Variants in LRRFIP2 observed in about 807,000 individuals in gnomAD.
LRRFIP2 encodes the protein LRR binding FLII interacting protein 2.
In LRRFIP2, 109 loss-of-function variants were observed where a neutral mutation model predicts 125.9. That is an observed-to-expected ratio of 0.87 (90% CI 0.74 to 1.01). The LOEUF (loss-of-function observed/expected upper bound fraction) is 1.01, where lower values mean the gene tolerates loss of function less well. Ranked by LOEUF, LRRFIP2 falls within the 50% of genes least tolerant of loss-of-function variation. The probability of loss-of-function intolerance (pLI) is 0.00; values close to 1 mark genes in which losing one functional copy is unlikely to be tolerated. For missense variants in LRRFIP2, 850 were observed against 862.3 expected, an observed-to-expected ratio of 0.99 and a Z score of 0.18; for synonymous variants, 291 against 293.1, an observed-to-expected ratio of 0.99 and a Z score of 0.07.
At chr3:37,055,443 G>A (rs1164169975) in intron 25 of LRRFIP2, among the ~76,000 whole-genome samples, 5 of 152,190 alleles carry the variant, frequency 3.3e-5, no homozygotes, top group Non-Finnish European at 7.3e-5. Context: ...GCACAGGCCT[G>A]TAGTCCCAGC....
At chr3:37,112,734 T>G (rs927145292) in intron 8 of LRRFIP2, among the ~76,000 whole-genome samples, 181 bp downstream of exon 8, 19 of 152,230 alleles carry the variant, frequency 1.2e-4, no homozygotes, top group African/African-American at 4.1e-4. Context: ...CTGCTAGGGT[T>G]TGCATATGTT....
At position 37,060,368 on chromosome 3, in the gene LRRFIP2, G is replaced by T. The variant is rs571291030; in HGVS notation, c.1750-1458C>A. On this transcript the variant is annotated intron_variant, in intron 24 of 27. Coordinates refer to ENST00000336686, the MANE Select transcript of LRRFIP2 (RefSeq NM_006309.4). This position sits in a 1 kb window ranked among gnomAD's most constrained non-coding sequence, Gnocchi z 4.1. ...CTGTGGCCCAGACTGGAGTGCAGTG[G>T]CATGATCTCAGCTCACTGCAACCTC... Among the ~76,000 whole-genome samples the T allele has an allele frequency of 6.6e-6, 1 of 152,272 alleles. No homozygotes were observed. Among genetic ancestry groups the T allele is most frequent in the Non-Finnish European group, 1.5e-5 (1 of 68,022 alleles).
intron 1 of LRRFIP2, among the ~76,000 whole-genome samples, chr3:37,162,155 C>CAA (rs71091697): frequency 0.013 from 946 of 73,614 alleles, 13 homozygotes; most frequent in African/African-American, 0.027. Context: ...GACCCTGTCT[C>CAA]AAAAAAAAAA....
rs1426707289 is a variant in LRRFIP2, at chr3:37,060,067, G to T, written c.1750-1157C>A. ...CCTATTTATGTGCATCTCACAAAGGGTCATATCCTTCCTCTGCAGTCTTCC... is the reference window on the plus strand; with the variant it reads ...CCTATTTATGTGCATCTCACAAAGGTTCATATCCTTCCTCTGCAGTCTTCC... On this transcript the variant is annotated intron_variant, in intron 24 of 27. Transcript: ENST00000336686. The surrounding 1 kb of genome is among the most constrained non-coding windows in gnomAD (Gnocchi z 4.1). 6.6e-6 allele frequency among the ~76,000 whole-genome samples: 1 copy of T among 152,098 alleles called. No homozygotes were observed. The highest frequency in any genetic ancestry group is 6.5e-5 in the Admixed American group (1 of 15,276).
chr3:37,054,104 TAG>T, intron 27 of LRRFIP2, 143 bp from the exon 28 acceptor site: 1 of 639,498 alleles, frequency 1.6e-6, no homozygotes, highest in Non-Finnish European at 2.8e-6. Context: ...TTCTATCAGT[TAG>T]AGGTGTTAAA....
At chr3:37,101,634 C>T (rs748832235) in intron 15 of LRRFIP2, among the ~76,000 whole-genome samples, 3 of 146,438 alleles carry the variant, frequency 2.0e-5, no homozygotes, top group Non-Finnish European at 4.5e-5. Flanking sequence ...TGCTGCACTC[C>T]GACCTGGACG....
Position 37,063,921 on chromosome 3 carries a change from A to G in LRRFIP2, c.1700-130T>C, listed in dbSNP as rs369454591. 642 of 687,054 alleles carry G rather than the reference A, an allele frequency of 9.3e-4. 8 individuals carry two copies. Among genetic ancestry groups the G allele is most frequent in the Middle Eastern group, 8.0e-3 (22 of 2,740 alleles). The allele number at this position is 687,054 out of a possible 1,614,324, so 42.6% of individuals were successfully genotyped here. A position where few individuals can be genotyped will look rare whatever the true frequency, so the allele number is the denominator to read the frequency against. On this transcript the variant is annotated intron_variant, in intron 23 of 27. Transcript: ENST00000336686. ...ACATTACTTACAGCTCTGAATATCT[A>G]AAGAAATAAAGGTGTTAATAGCATT...
chr3:37,080,552 G>A (rs1182015580), intron 19 of LRRFIP2, among the ~76,000 whole-genome samples: 2 of 152,050 alleles, frequency 1.3e-5, no homozygotes, highest in Non-Finnish European at 2.9e-5. Flanking sequence ...ACACATCTGG[G>A]CCTCCTGAAG....
At chr3:37,120,824 AG>A (rs1450117093) in intron 6 of LRRFIP2, among the ~76,000 whole-genome samples, 1 of 152,158 alleles carries the variant, frequency 6.6e-6, no homozygotes, top group Non-Finnish European at 1.5e-5. Context: ...AAAAAAAGAA[AG>A]TATACATACA....
intron 18 of LRRFIP2, among the ~76,000 whole-genome samples, chr3:37,087,892 G>A (rs2093172234): frequency 6.6e-6 from 1 of 152,136 alleles, no homozygotes; most frequent in Non-Finnish European, 1.5e-5. Flanking sequence ...GCCCAGCCTT[G>A]AATGCTTCTA....
intron 21 of LRRFIP2, 100 bp downstream of exon 21, chr3:37,072,690 C>T: frequency 1.4e-6 from 1 of 690,254 alleles, no homozygotes; most frequent in Non-Finnish European, 2.5e-6. Flanking sequence ...TGTAAATGCT[C>T]AAGAAGAATC....
intron 4 of LRRFIP2, among the ~76,000 whole-genome samples, chr3:37,125,883 C>A (rs1478336484): frequency 1.3e-5 from 2 of 152,170 alleles, no homozygotes; most frequent in Admixed American, 6.5e-5. Flanking sequence ...TCCTTATGGG[C>A]TCACAGATAA....
intron 15 of LRRFIP2, among the ~76,000 whole-genome samples, chr3:37,098,537 C>T (rs1310391287): frequency 3.3e-5 from 5 of 151,710 alleles, no homozygotes; most frequent in African/African-American, 4.8e-5. Flanking sequence ...TACAGGCACC[C>T]GCCATCACGC....
At chr3:37,153,537 CTTCT>C (rs990744990) in intron 1 of LRRFIP2, among the ~76,000 whole-genome samples, 7 of 152,132 alleles carry the variant, frequency 4.6e-5, no homozygotes, top group East Asian at 1.9e-4. Flanking sequence ...TTTGAATGTA[CTTCT>C]TTCTTTTCTT....
chr3:37,121,646 G>T lies in LRRFIP2; in HGVS notation c.274C>A (p.Arg92Ser). 1 of 1,614,180 alleles carries T rather than the reference G, an allele frequency of 6.2e-7. No homozygotes were observed. The highest frequency in any genetic ancestry group is 8.5e-7 in the Non-Finnish European group (1 of 1,180,028). ...ARYSHRSSHH[R>S]PYLGVEDALS... Reference sequence around the variant, plus strand: ...AGGTTATTACAAACCAGATAAGGACGATGGTGACTGGACCGGTGGGAATAC... The same window carrying T: ...AGGTTATTACAAACCAGATAAGGACTATGGTGACTGGACCGGTGGGAATAC... Residue 92 changes from arginine to serine, a missense_variant, in exon 5 of 28, where the codon CGT becomes AGT. Physicochemically the swap from Arg to Ser is moderately radical, Grantham distance 110. Transcript: ENST00000336686.
chr3:37,116,924 AAACT>A (rs2094816648), intron 6 of LRRFIP2, among the ~76,000 whole-genome samples: 1 of 152,140 alleles, frequency 6.6e-6, no homozygotes, highest in East Asian at 1.9e-4. Flanking sequence ...TATTATCCTG[AAACT>A]AACAGAAAAC....
In LRRFIP2 at chr3:37,105,470, T is replaced by TG; in HGVS notation, c.767_768insC (p.Arg257ThrfsTer10). On this transcript the variant is annotated frameshift_variant, in exon 14 of 28. Coordinates refer to ENST00000336686, the MANE Select transcript of LRRFIP2 (RefSeq NM_006309.4). LOFTEE classifies it high-confidence loss of function. ...TCATGCTCACCACACTCTCCCTTCG[T>TG]CCACGACTGGCACGATCAGAAGACA... The TG allele has an allele frequency of 6.2e-7, 1 of 1,614,012 alleles. No individual in the cohort carries two copies. The highest frequency in any genetic ancestry group is 1.1e-5 in the South Asian group (1 of 91,082).
intron 25 of LRRFIP2, among the ~76,000 whole-genome samples, chr3:37,056,389 G>A (rs1050705170): frequency 1.3e-5 from 2 of 151,654 alleles, no homozygotes; most frequent in Non-Finnish European, 2.9e-5. Context: ...TCTAACTTAA[G>A]AACTTTTCTA....
intron 15 of LRRFIP2, among the ~76,000 whole-genome samples, chr3:37,097,050 A>G (rs985153308): frequency 5.3e-5 from 8 of 152,156 alleles, no homozygotes; most frequent in Non-Finnish European, 7.3e-5. Context: ...ATTTCTAAAC[A>G]TTATTAGGAC....
Sources: allele counts gnomAD v4.1 joint callset (sites outside exome capture counted in the v4.1 genomes callset), GRCh38; gene constraint gnomAD v4.1.1; non-coding constraint Gnocchi (gnomAD v3.1); transcripts MANE v1.5; gene names NCBI Gene and HGNC (gene_info 2026-07-23, HGNC 2026-07-21).